The following FYB2 variants were observed in gnomAD, a reference collection of about 807,000 sequenced individuals.
FYB2 encodes the protein FYN-binding protein 2.
FYB2 carries 103 observed loss-of-function variants against 94.1 expected under a neutral mutation model. The observed-to-expected ratio is 1.09, with a 90% CI of 0.93 to 1.29. The LOEUF (loss-of-function observed/expected upper bound fraction) is 1.29, where lower values mean the gene tolerates loss of function less well. Ranked by LOEUF, FYB2 falls within the 50% of genes most tolerant of loss-of-function variation. The pLI is 0.00. For missense variants in FYB2, 896 were observed against 841.5 expected, an observed-to-expected ratio of 1.06 and a Z score of -0.80; for synonymous variants, 293 against 287.9, an observed-to-expected ratio of 1.02 and a Z score of -0.18.
At chr1:56,787,058 C>T in intron 4 of FYB2, 117 bp downstream of exon 4, 2 of 1,160,976 alleles carry the variant, frequency 1.7e-6, no homozygotes, top group Non-Finnish European at 2.6e-6. Context: ...TTCACTGCTT[C>T]TGAAACCCTT....
intron 11 of FYB2, 147 bp from the exon 12 acceptor site, chr1:56,742,368 G>A: frequency 1.8e-6 from 1 of 544,744 alleles, no homozygotes; most frequent in South Asian, 3.2e-5. Context: ...TCACCCACAT[G>A]TTTTTAAAAG....
At chr1:56,719,821 T>C in intron 19 of FYB2, 129 bp from the exon 20 acceptor site, 6 of 1,084,634 alleles carry the variant, frequency 5.5e-6, no homozygotes, top group South Asian at 3.2e-5. Flanking sequence ...TATAAAGCTG[T>C]GTAGAGAAGT....
intron 1 of FYB2, among the ~76,000 whole-genome samples, chr1:56,796,666 A>G (rs1646405757): frequency 1.3e-5 from 2 of 152,112 alleles, no homozygotes; most frequent in African/African-American, 2.4e-5. Context: ...GACCCATCCT[A>G]ATCCCGACCC....
At chr1:56,810,023 A>C (rs1646730849) in intron 1 of FYB2, among the ~76,000 whole-genome samples, 1 of 151,990 alleles carries the variant, frequency 6.6e-6, no homozygotes. Flanking sequence ...GAGAGGAGAG[A>C]AAGAAGGAGG....
chr1:56,764,723 T>C (rs1029686960), intron 5 of FYB2, among the ~76,000 whole-genome samples: 2 of 152,220 alleles, frequency 1.3e-5, no homozygotes, highest in East Asian at 1.9e-4. Context: ...TTTTGGCAGA[T>C]ATATTTTTTT....
intron 9 of FYB2, among the ~76,000 whole-genome samples, chr1:56,749,087 C>T (rs545661366): frequency 6.6e-6 from 1 of 151,002 alleles, no homozygotes; most frequent in Non-Finnish European, 1.5e-5. Context: ...TGGTTTTTCC[C>T]CTTTGTCTGT....
chr1:56,792,299 G>T lies in FYB2; in HGVS notation c.514C>A (p.Gln172Lys), dbSNP rs776815077. Residue 172 changes from glutamine to lysine, a missense_variant, in exon 2 of 20, where the codon CAA becomes AAA. Gln to Lys is a moderately conservative substitution (Grantham distance 53). Coordinates refer to ENST00000343433, the MANE Select transcript of FYB2 (RefSeq NM_001004303.5). ...TCTGGAGTAAGCCCCATGCCTTTTT[G>T]CCCTTCCAGATGGATGGCCTTACTT... is the stretch of plus-strand genomic sequence containing the variant. ...YGSKAIHLEG[Q>K]KGMGLTPEEP... 1 of 1,612,710 alleles carries T rather than the reference G, an allele frequency of 6.2e-7. No individual in the cohort carries two copies. The highest frequency in any genetic ancestry group is 1.7e-5 in the Admixed American group (1 of 59,602).
At chr1:56,730,846 G>A (rs557265534) in intron 15 of FYB2, among the ~76,000 whole-genome samples, 117 of 152,080 alleles carry the variant, frequency 7.7e-4, no homozygotes, top group South Asian at 1.5e-3. Context: ...AAAATTACAG[G>A]TCGATATCCC....
intron 3 of FYB2, 99 bp downstream of exon 3, chr1:56,788,874 C>A (rs772519188): frequency 1.2e-4 from 173 of 1,494,692 alleles, no homozygotes; most frequent in Non-Finnish European, 1.5e-4. Context: ...GATGTCCAGC[C>A]TCATGGAAAA....
intron 7 of FYB2, among the ~76,000 whole-genome samples, chr1:56,754,172 G>T (rs150309074): frequency 6.6e-6 from 1 of 151,962 alleles, no homozygotes; most frequent in East Asian, 1.9e-4. Context: ...ACTCCCTATT[G>T]CCTATAGGAT....
chr1:56,805,272 G>A (rs967705914), intron 1 of FYB2, among the ~76,000 whole-genome samples: 1 of 152,194 alleles, frequency 6.6e-6, no homozygotes, highest in African/African-American at 2.4e-5. Flanking sequence ...CACACAGAGA[G>A]TAGATGGACG....
intron 4 of FYB2, 111 bp downstream of exon 4, chr1:56,787,064 C>A: frequency 8.4e-7 from 1 of 1,193,934 alleles, no homozygotes; most frequent in Non-Finnish European, 1.2e-6. Flanking sequence ...GCTTCTGAAA[C>A]CCTTCTGAGA....
intron 1 of FYB2, among the ~76,000 whole-genome samples, chr1:56,795,490 G>A (rs74322252): frequency 6.6e-6 from 1 of 152,066 alleles, no homozygotes; most frequent in Non-Finnish European, 1.5e-5. Flanking sequence ...TTTTGGTTGT[G>A]TTCCCAGAAG....
intron 6 of FYB2, among the ~76,000 whole-genome samples, chr1:56,757,675 T>TTCCTTCCTTCCTTCCTTCC (rs1645369643): frequency 3.0e-5 from 3 of 99,016 alleles, no homozygotes; most frequent in Admixed American, 1.2e-4. Context: ...TTCTTTCCTC[T>TTCCTTCCTTCCTTCCTTCC]TTCCTTCCTT....
intron 8 of FYB2, among the ~76,000 whole-genome samples, chr1:56,751,492 T>C (rs1208498002): frequency 6.6e-6 from 1 of 151,998 alleles, no homozygotes; most frequent in Non-Finnish European, 1.5e-5. Flanking sequence ...TATAACTTAA[T>C]CATCATGATA....
chr1:56,726,982 G>A (rs1404499152), intron 15 of FYB2, among the ~76,000 whole-genome samples: 6 of 151,558 alleles, frequency 4.0e-5, no homozygotes, highest in African/African-American at 1.5e-4. Context: ...TATGAACAAT[G>A]TAACTGAACT....
intron 9 of FYB2, among the ~76,000 whole-genome samples, chr1:56,748,322 A>G (rs559919204): frequency 1.5e-3 from 229 of 152,170 alleles, no homozygotes; most frequent in African/African-American, 5.1e-3. Flanking sequence ...GCCTTTGTCC[A>G]TGCCTATGTC....
intron 9 of FYB2, among the ~76,000 whole-genome samples, chr1:56,749,386 T>C (rs940613042): frequency 6.6e-6 from 1 of 151,980 alleles, no homozygotes; most frequent in African/African-American, 2.4e-5. Flanking sequence ...TTTTACTCTT[T>C]TTAAAATCAT....
chr1:56,725,539 A>G (rs1644567589), intron 16 of FYB2, among the ~76,000 whole-genome samples: 1 of 152,070 alleles, frequency 6.6e-6, no homozygotes, highest in South Asian at 2.1e-4. Flanking sequence ...TGGGGGGCAG[A>G]TCAAAAATGT....
Sources: gnomAD v4.1 joint callset for allele counts (sites outside exome capture counted in the v4.1 genomes callset) on GRCh38, gnomAD v4.1.1 for gene constraint, MANE v1.5 for transcripts, NCBI Gene and HGNC (gene_info 2026-07-23, HGNC 2026-07-21) for gene names.